Variants in LRP5 observed in about 807,000 individuals in gnomAD.
LRP5 encodes the protein low-density lipoprotein receptor-related protein 5.
Under a neutral mutation model 154.1 loss-of-function variants are expected in LRP5, and 62 were observed. The observed-to-expected ratio is 0.40, with a 90% CI of 0.33 to 0.50. LRP5 has a LOEUF of 0.50. LRP5 is among the 20% of genes least tolerant of loss of function. The pLI, the probability that LRP5 is intolerant of heterozygous loss-of-function variation, is 0.55. For synonymous variants in LRP5, 966 were observed against 1,011.5 expected (o/e 0.96, Z 0.85); for missense variants, 1,915 against 2,336.7 (o/e 0.82, Z 3.72).
chr11:68,401,211 T>G (rs2098652456), intron 7 of LRP5, among the ~76,000 whole-genome samples: 1 of 152,120 alleles, frequency 6.6e-6, no homozygotes, highest in Admixed American at 6.6e-5. Context: ...CACACACAGG[T>G]GTGTGCATTC....
intron 15 of LRP5, 128 bp downstream of exon 15, chr11:68,425,420 G>T (rs2098668212): frequency 1.3e-5 from 13 of 976,058 alleles, no homozygotes; most frequent in Non-Finnish European, 2.0e-5. Context: ...TGTGTAGCGT[G>T]TTTTGTCCTC....
chr11:68,416,630 G>A, intron 13 of LRP5, 103 bp downstream of exon 13: 1 of 1,110,466 alleles, frequency 9.0e-7, no homozygotes, highest in Non-Finnish European at 1.3e-6. Flanking sequence ...GGAAACAGAG[G>A]ATGGCTCTGG....
At chr11:68,348,445 T>C in intron 2 of LRP5, among the ~76,000 whole-genome samples, 1 of 147,634 alleles carries the variant, frequency 6.8e-6, no homozygotes, top group Non-Finnish European at 1.5e-5. Flanking sequence ...GGCTCAGGCC[T>C]GTAACCCCAG....
the LRP5 span, among the ~76,000 whole-genome samples, chr11:68,300,201 T>C: frequency 6.7e-6 from 1 of 148,986 alleles, no homozygotes; most frequent in Non-Finnish European, 1.5e-5. Context: ...CAGGCCTTTG[T>C]TTTTAAGAAG....
intron 1 of LRP5, among the ~76,000 whole-genome samples, chr11:68,319,453 G>A (rs369261208): frequency 4.6e-5 from 7 of 152,272 alleles, no homozygotes; most frequent in South Asian, 4.1e-4. Flanking sequence ...GGGATCAAGC[G>A]ATCCTCCCAC....
intron 5 of LRP5, among the ~76,000 whole-genome samples, chr11:68,385,876 G>A (rs2098642693): frequency 1.3e-5 from 2 of 152,114 alleles, no homozygotes; most frequent in African/African-American, 2.4e-5. Context: ...TGCAAGGTGG[G>A]CATGCTGGGG....
intron 17 of LRP5, among the ~76,000 whole-genome samples, chr11:68,433,124 C>T (rs2098672872): frequency 6.6e-6 from 1 of 152,230 alleles, no homozygotes; most frequent in South Asian, 2.1e-4. Flanking sequence ...CAGTCCCACA[C>T]CCGCAACAGG....
intron 21 of LRP5, among the ~76,000 whole-genome samples, chr11:68,440,300 C>T (rs902753048): frequency 2.0e-5 from 3 of 152,214 alleles, no homozygotes; most frequent in Non-Finnish European, 2.9e-5. Context: ...CCTGTTCTCC[C>T]ACCCAGGGCT....
intron 1 of LRP5, among the ~76,000 whole-genome samples, chr11:68,324,064 C>G (rs967258750): frequency 1.3e-5 from 2 of 152,244 alleles, no homozygotes; most frequent in Non-Finnish European, 2.9e-5. Flanking sequence ...TGCAGGGCCC[C>G]GTGGGCTTGT....
At chr11:68,315,935 T>G (rs1433554737) in intron 1 of LRP5, among the ~76,000 whole-genome samples, 2 of 152,142 alleles carry the variant, frequency 1.3e-5, no homozygotes, top group Non-Finnish European at 2.9e-5. Flanking sequence ...TCGAGTTGTT[T>G]TTTTTTTAAA....
At chr11:68,425,636 G>GAGGGC (rs2098668331) in intron 15 of LRP5, among the ~76,000 whole-genome samples, 1 of 152,222 alleles carries the variant, frequency 6.6e-6, no homozygotes, top group African/African-American at 2.4e-5. Flanking sequence ...AGAAATGAGA[G>GAGGGC]TTGGTGCTTA....
chr11:68,445,787 G>A, intron 21 of LRP5: 2 of 656,064 alleles, frequency 3.0e-6, no homozygotes, highest in South Asian at 1.6e-5. Context: ...ACGTTCACGT[G>A]GTGAATTTGT....
rs554810832 is a variant in LRP5, at chr11:68,355,069, G to A, written c.489-2581G>A. Among the ~76,000 whole-genome samples the A allele has an allele frequency of 7.2e-5, 11 of 152,294 alleles. No individual in the cohort carries two copies. In the East Asian group the frequency reaches 1.9e-3, roughly 27 times the overall value. ...CCTCTGGAAGGTGGAGATGGTACTCGCTCAGGAACGATACCACTCAAGGAA... is the reference window on the plus strand; with the variant it reads ...CCTCTGGAAGGTGGAGATGGTACTCACTCAGGAACGATACCACTCAAGGAA... On this transcript the variant is annotated intron_variant, in intron 2 of 22. Transcript: ENST00000294304.
intron 2 of LRP5, among the ~76,000 whole-genome samples, chr11:68,354,586 C>T (rs891661499): frequency 5.3e-5 from 8 of 152,340 alleles, no homozygotes; most frequent in African/African-American, 1.9e-4. Flanking sequence ...CGCAGGCACG[C>T]GGGAGCCTTC....
intron 13 of LRP5, among the ~76,000 whole-genome samples, chr11:68,420,050 A>G (rs2098664692): frequency 6.6e-6 from 1 of 152,122 alleles, no homozygotes; most frequent in Non-Finnish European, 1.5e-5. Context: ...CAGCCTCCCA[A>G]AGTGCTGAGA....
chr11:68,319,626 G>T (rs1197030745), intron 1 of LRP5, among the ~76,000 whole-genome samples: 1 of 152,174 alleles, frequency 6.6e-6, no homozygotes, highest in Admixed American at 6.5e-5. Context: ...GAGTAGCTGG[G>T]ACTGCAGGCA....
In LRP5 at chr11:68,371,383, G is replaced by A. The variant is rs149486561; in HGVS notation, c.1015+5681G>A. Among the ~76,000 whole-genome samples, 119 of 152,338 alleles carry A rather than the reference G, an allele frequency of 7.8e-4. 2 individuals carry two copies. In the East Asian group the frequency reaches 0.022, roughly 28 times the overall value. ...GCATTGAAGCTGGTGAGTCAGAGCC[G>A]GACCTGTGAGCGGGGCCAGAATGGG... On this transcript the variant is annotated intron_variant, in intron 5 of 22. Coordinates refer to ENST00000294304, the MANE Select transcript of LRP5 (RefSeq NM_002335.4).
chr11:68,445,632 A>C (rs965403599), intron 21 of LRP5: 1 of 1,318,402 alleles, frequency 7.6e-7, no homozygotes, highest in African/African-American at 1.5e-5. Flanking sequence ...TAAGCCCTAC[A>C]CCCTTTGGGA....
chr11:68,317,006 G>A (rs7116604), intron 1 of LRP5, among the ~76,000 whole-genome samples: 15,353 of 152,296 alleles, frequency 0.1, 835 homozygotes, highest in Middle Eastern at 0.12. Context: ...CCAGGTCCTC[G>A]GCTTGGTGGC....
Sources: allele counts gnomAD v4.1 joint callset (sites outside exome capture counted in the v4.1 genomes callset), GRCh38; gene constraint gnomAD v4.1.1; transcripts MANE v1.5; gene names NCBI Gene and HGNC (gene_info 2026-07-23, HGNC 2026-07-21).